The following ADGRB3 variants were observed in gnomAD, a reference collection of about 807,000 sequenced individuals.
ADGRB3 encodes adhesion G protein-coupled receptor B3.
Under a neutral mutation model 193.4 loss-of-function variants are expected in ADGRB3, and 37 were observed. The observed-to-expected ratio is 0.19, with a 90% CI of 0.15 to 0.25. The LOEUF (loss-of-function observed/expected upper bound fraction) is 0.25. Among genes scored for constraint, ADGRB3 ranks in the 10% least tolerant of loss-of-function variants. The pLI, the probability that ADGRB3 is intolerant of heterozygous loss-of-function variation, is 1.00. For missense variants in ADGRB3, 1,637 were observed against 1,852.9 expected (o/e 0.88, Z 2.14); for synonymous variants, 690 against 644.2 (o/e 1.07, Z -1.08).
intron 3 of ADGRB3, among the ~76,000 whole-genome samples, chr6:68,661,110 C>A (rs1768620635): frequency 6.7e-6 from 1 of 149,730 alleles, no homozygotes; most frequent in Non-Finnish European, 1.5e-5. Flanking sequence ...AGAAGTGCCT[C>A]TAGGTATAGT....
intron 13 of ADGRB3, among the ~76,000 whole-genome samples, chr6:69,026,265 G>A (rs1314529404): frequency 6.6e-6 from 1 of 152,198 alleles, no homozygotes; most frequent in African/African-American, 2.4e-5. Context: ...AGAGAGCAGT[G>A]TCATTTCAGG....
chr6:68,693,501 A>G (rs77822967), intron 3 of ADGRB3, among the ~76,000 whole-genome samples: 1 of 151,996 alleles, frequency 6.6e-6, no homozygotes, highest in African/African-American at 2.4e-5. Context: ...AGGAAACTCA[A>G]GTTGAAAGCA....
intron 3 of ADGRB3, among the ~76,000 whole-genome samples, chr6:68,795,840 A>G (rs903429145): frequency 1.3e-5 from 2 of 152,140 alleles, no homozygotes; most frequent in Non-Finnish European, 2.9e-5. Context: ...TCCCTAGAAC[A>G]GCATTTGTTT....
chr6:69,198,765 T>C lies in ADGRB3; in HGVS notation c.2481-34525T>C, dbSNP rs141067098. On this transcript the variant is annotated intron_variant, in intron 17 of 31. Transcript: ENST00000370598. ...GATTTTATTTTGACTGTACTAGGAA[T>C]CCCCTGAATTAATTAATAAATGAAT... is the stretch of plus-strand genomic sequence containing the variant. Among the ~76,000 whole-genome samples the C allele has an allele frequency of 4.6e-5, 7 of 152,178 alleles. No homozygotes were observed. In the East Asian group the frequency reaches 1.4e-3, roughly 29 times the overall value.
chr6:68,885,509 T>C (rs534120432), intron 3 of ADGRB3, among the ~76,000 whole-genome samples: 17 of 152,186 alleles, frequency 1.1e-4, no homozygotes, highest in Non-Finnish European at 2.1e-4. Flanking sequence ...AAAATCCTTT[T>C]AGTAGTTTTG....
At chr6:69,032,647 A>C (rs1485503845) in intron 13 of ADGRB3, among the ~76,000 whole-genome samples, 3 of 152,188 alleles carry the variant, frequency 2.0e-5, no homozygotes, top group Non-Finnish European at 4.4e-5. Context: ...AGAAATCTGG[A>C]CTAAATTATT....
At chr6:68,814,524 T>C (rs1379988305) in intron 3 of ADGRB3, among the ~76,000 whole-genome samples, 2 of 152,224 alleles carry the variant, frequency 1.3e-5, no homozygotes, top group Non-Finnish European at 2.9e-5. Context: ...TGGTAGTTTC[T>C]TTTGCTGTGC....
chr6:68,735,523 A>T (rs1040030240), intron 3 of ADGRB3, among the ~76,000 whole-genome samples: 3 of 152,072 alleles, frequency 2.0e-5, no homozygotes, highest in African/African-American at 7.2e-5. Flanking sequence ...CAGAAAGATG[A>T]TGTTGATTTA....
At chr6:68,638,282 A>G (rs1264482120) in intron 2 of ADGRB3, among the ~76,000 whole-genome samples, 2 of 152,246 alleles carry the variant, frequency 1.3e-5, no homozygotes, top group Non-Finnish European at 2.9e-5. Context: ...CTATAGACTG[A>G]TTAATACTAT....
chr6:68,743,851 T>C (rs1463572125), intron 3 of ADGRB3, among the ~76,000 whole-genome samples: 1 of 152,096 alleles, frequency 6.6e-6, no homozygotes, highest in African/African-American at 2.4e-5. Context: ...ATAACAGAAA[T>C]TAAGAATCAT....
At chr6:69,262,046 A>C (rs1211185704) in intron 20 of ADGRB3, among the ~76,000 whole-genome samples, 2 of 151,984 alleles carry the variant, frequency 1.3e-5, no homozygotes, top group Middle Eastern at 3.2e-3. Flanking sequence ...TTTTGGAGAG[A>C]AAGGCATCTT....
chr6:69,098,418 C>A (rs1022809776), intron 17 of ADGRB3, among the ~76,000 whole-genome samples: 20 of 152,114 alleles, frequency 1.3e-4, no homozygotes, highest in Admixed American at 7.9e-4. Flanking sequence ...TGTATTAGTC[C>A]ATTTTTACTC....
At chr6:68,648,167 A>G (rs1320994266) in intron 3 of ADGRB3, among the ~76,000 whole-genome samples, 4 of 152,200 alleles carry the variant, frequency 2.6e-5, no homozygotes, top group Non-Finnish European at 4.4e-5. Context: ...GGAAAATTCA[A>G]TAAGTAACAA....
chr6:69,161,713 GACTGGAGGAGGATTT>G (rs1774991247), intron 17 of ADGRB3, among the ~76,000 whole-genome samples: 2 of 152,092 alleles, frequency 1.3e-5, no homozygotes, highest in South Asian at 4.1e-4. Context: ...TTGAAGGTTT[GACTGGAGGAGGATTT>G]ACTTTCAATC....
chr6:69,251,367 A>AT (rs11378916), intron 20 of ADGRB3, among the ~76,000 whole-genome samples: 21,357 of 149,514 alleles, frequency 0.14, 1,562 homozygotes, highest in Middle Eastern at 0.16. Context: ...CTAGGAACCC[A>AT]TTTTTTTTTT....
intron 17 of ADGRB3, among the ~76,000 whole-genome samples, chr6:69,194,650 T>C (rs1025172957): frequency 3.3e-4 from 50 of 152,134 alleles, no homozygotes; most frequent in Admixed American, 3.9e-4. Context: ...CTGGTAAGGT[T>C]AACCTCTTAA....
At chr6:68,652,051 C>A (rs1364965944) in intron 3 of ADGRB3, among the ~76,000 whole-genome samples, 2 of 152,026 alleles carry the variant, frequency 1.3e-5, no homozygotes, top group Admixed American at 1.3e-4. Context: ...TTTTTCCATA[C>A]TCTGCTCTTC....
chr6:68,757,959 A>G (rs1766327665), intron 3 of ADGRB3, among the ~76,000 whole-genome samples: 1 of 152,000 alleles, frequency 6.6e-6, no homozygotes, highest in South Asian at 2.1e-4. Flanking sequence ...GAAACTCCTT[A>G]TTACATCCTC....
rs186339308 is a variant in ADGRB3 at position 69,167,346 on chromosome 6, G to T, written c.2481-65944G>T. On this transcript the variant is annotated intron_variant, in intron 17 of 31. Coordinates refer to ENST00000370598, the MANE Select transcript of ADGRB3 (RefSeq NM_001704.3). ...AAAGTCCTTGAAGGTTTTAGAACAA[G>T]AAGTGACATAATTAGATATGTATAT... 2.9e-3 allele frequency among the ~76,000 whole-genome samples: 439 copies of T among 152,198 alleles called. 6 individuals carry two copies. Among genetic ancestry groups the T allele is most frequent in the African/African-American group, 8.1e-3 (336 of 41,534 alleles).
Sources: allele counts gnomAD v4.1 joint callset (sites outside exome capture counted in the v4.1 genomes callset), GRCh38; gene constraint gnomAD v4.1.1; transcripts MANE v1.5; gene names NCBI Gene and HGNC (gene_info 2026-07-23, HGNC 2026-07-21).